Variants in PITPNM3 observed in about 807,000 individuals in gnomAD.
The protein encoded by PITPNM3 is PITPNM family member 3.
Under a neutral mutation model 102.0 loss-of-function variants are expected in PITPNM3, and 26 were observed. The observed-to-expected ratio is 0.25, with a 90% CI of 0.19 to 0.35. The LOEUF (loss-of-function observed/expected upper bound fraction) is 0.35. Among genes scored for constraint, PITPNM3 ranks in the 10% least tolerant of loss-of-function variants. The pLI, the probability that PITPNM3 is intolerant of heterozygous loss-of-function variation, is 1.00. For missense variants in PITPNM3, 1,083 were observed against 1,346.1 expected, an observed-to-expected ratio of 0.80 and a Z score of 3.06; for synonymous variants, 578 against 558.6, an observed-to-expected ratio of 1.03 and a Z score of -0.49.
At chr17:6,505,530 C>T (rs2150611643) in intron 3 of PITPNM3, among the ~76,000 whole-genome samples, 1 of 152,294 alleles carries the variant, frequency 6.6e-6, no homozygotes, top group East Asian at 1.9e-4. Context: ...CAGACTGTTT[C>T]CCAGGTGCAA....
At position 6,457,639 on chromosome 17, in the gene PITPNM3, G is replaced by T; in HGVS notation, c.2574C>A (p.Ile858=). The part of the protein sequence containing the change: ...YSVLGLPASQ[I]FIVGRPTKKY... ...TCTTGGTGGGCCGGCCCACAATGAAGATCTGGGAGGCAGGCAGGCCCAGCA... is the reference window on the plus strand; with the variant it reads ...TCTTGGTGGGCCGGCCCACAATGAATATCTGGGAGGCAGGCAGGCCCAGCA... The change falls in exon 19 of 20, where the codon ATC becomes ATA. Residue 858 remains isoleucine, a synonymous_variant. Coordinates refer to ENST00000262483, the MANE Select transcript of PITPNM3 (RefSeq NM_031220.4). The surrounding 1 kb of genome is among the most constrained non-coding windows in gnomAD (Gnocchi z 4.7). 6.2e-7 allele frequency: 1 copy of T among 1,610,950 alleles called. No individual in the cohort carries two copies. The highest frequency in any genetic ancestry group is 8.5e-7 in the Non-Finnish European group (1 of 1,178,558).
At chr17:6,486,110 C>T (rs1312703670) in intron 4 of PITPNM3, among the ~76,000 whole-genome samples, 1 of 152,178 alleles carries the variant, frequency 6.6e-6, no homozygotes, top group African/African-American at 2.4e-5. Context: ...TGAGCCCCCA[C>T]CCAAATGATA....
chr17:6,531,326 C>T (rs1334211237), intron 2 of PITPNM3, among the ~76,000 whole-genome samples: 1 of 152,214 alleles, frequency 6.6e-6, no homozygotes, highest in African/African-American at 2.4e-5. Flanking sequence ...TAGCCCCAAC[C>T]TTGCATCCTT....
chr17:6,545,754 G>C (rs1400132985), intron 1 of PITPNM3, among the ~76,000 whole-genome samples: 1 of 152,158 alleles, frequency 6.6e-6, no homozygotes, highest in African/African-American at 2.4e-5. Context: ...CCGGGTGCCT[G>C]TCTCCTTGTG....
In PITPNM3 at chr17:6,537,499, T is replaced by C. The variant is rs988326536; in HGVS notation, c.118+488A>G. ...AAGGGAATACACATGTTGGCCAGGC[T>C]GGTCTCAAACTCCTGACCTCAGGTG... On this transcript the variant is annotated intron_variant, in intron 2 of 19. Coordinates refer to ENST00000262483, the MANE Select transcript of PITPNM3 (RefSeq NM_031220.4). This position sits in a 1 kb window ranked among gnomAD's most constrained non-coding sequence, Gnocchi z 4.4. 2.0e-5 allele frequency among the ~76,000 whole-genome samples: 3 copies of C among 152,178 alleles called. No homozygotes were observed. Among genetic ancestry groups the C allele is most frequent in the African/African-American group, 7.2e-5 (3 of 41,440 alleles).
Position 6,478,480 on chromosome 17 carries a change from C to T in PITPNM3, c.777+67G>A, listed in dbSNP as rs1011181851. 1.3e-6 allele frequency: 2 copies of T among 1,582,854 alleles called. No individual in the cohort carries two copies. The highest frequency in any genetic ancestry group is 2.7e-5 in the African/African-American group (2 of 74,308). On this transcript the variant is annotated intron_variant, in intron 7 of 19. Transcript: ENST00000262483. This position sits in a 1 kb window ranked among gnomAD's most constrained non-coding sequence, Gnocchi z 4.4. Reference sequence around the variant, plus strand: ...CTGGCCTTGGCCCTTTCAGTAGATTCCAGCCTCTCTCCCAGGCCGGGGCCG... The same window carrying T: ...CTGGCCTTGGCCCTTTCAGTAGATTTCAGCCTCTCTCCCAGGCCGGGGCCG...
chr17:6,499,302 C>T (rs1254728384), intron 4 of PITPNM3, among the ~76,000 whole-genome samples: 1 of 152,228 alleles, frequency 6.6e-6, no homozygotes, highest in Non-Finnish European at 1.5e-5. Flanking sequence ...CACCCCTCCC[C>T]GCATAGCCAC....
chr17:6,472,854 AGCCACTTTCTAGT>A lies in PITPNM3; in HGVS notation c.1259-40_1259-28del. 6.2e-7 allele frequency: 1 copy of A among 1,613,048 alleles called. No individual in the cohort carries two copies. On this transcript the variant is annotated intron_variant, in intron 10 of 19. Coordinates refer to ENST00000262483, the MANE Select transcript of PITPNM3 (RefSeq NM_031220.4). The surrounding 1 kb of genome is among the most constrained non-coding windows in gnomAD (Gnocchi z 4.1). Reference sequence around the variant, plus strand: ...TGGGGTGAGTGGGAAGACAGAGGGAAGCCACTTTCTAGTACCTGCTCCCTGGGCCCTAGGAGGC... The same window carrying A: ...TGGGGTGAGTGGGAAGACAGAGGGAAACCTGCTCCCTGGGCCCTAGGAGGC...
At chr17:6,491,837 A>ATATATATATATATAT (rs61304274) in intron 4 of PITPNM3, among the ~76,000 whole-genome samples, 6 of 18,790 alleles carry the variant, frequency 3.2e-4, no homozygotes, top group South Asian at 2.3e-3. Flanking sequence ...ATATATATAT[A>ATATATATATATATAT]ATAAAGAATT....
intron 2 of PITPNM3, among the ~76,000 whole-genome samples, chr17:6,532,427 A>G (rs1472664868): frequency 6.6e-6 from 1 of 152,136 alleles, no homozygotes; most frequent in Non-Finnish European, 1.5e-5. Context: ...CATTACCCCA[A>G]TCAAGCTAGT....
chr17:6,456,350 G>T (rs1914115152), intron 19 of PITPNM3, among the ~76,000 whole-genome samples: 2 of 152,078 alleles, frequency 1.3e-5, no homozygotes, highest in South Asian at 4.2e-4. Flanking sequence ...GCCCATCCTT[G>T]TCACTTGGCT....
chr17:6,507,986 G>C (rs1964080001), intron 3 of PITPNM3, among the ~76,000 whole-genome samples: 1 of 151,340 alleles, frequency 6.6e-6, no homozygotes. Flanking sequence ...GAATGCTGGG[G>C]ATGCAGCTGG....
At chr17:6,519,151 C>T (rs1908347713) in intron 3 of PITPNM3, among the ~76,000 whole-genome samples, 1 of 143,782 alleles carries the variant, frequency 7.0e-6, no homozygotes, top group Non-Finnish European at 1.5e-5. Context: ...TCCTGGCTAA[C>T]AAGGTGAAAC....
At chr17:6,540,751 C>T (rs560065571) in intron 1 of PITPNM3, among the ~76,000 whole-genome samples, 7 of 152,266 alleles carry the variant, frequency 4.6e-5, no homozygotes, top group Admixed American at 2.6e-4. Context: ...CTTCACCTCC[C>T]GGGTTCAAGA....
chr17:6,465,500 T>A (rs1009661225), intron 14 of PITPNM3, among the ~76,000 whole-genome samples: 12 of 152,222 alleles, frequency 7.9e-5, no homozygotes, highest in Admixed American at 2.0e-4. Context: ...TATCTGTCTT[T>A]TTTTTTAAGA....
intron 3 of PITPNM3, among the ~76,000 whole-genome samples, chr17:6,510,881 G>C (rs1020387114): frequency 6.6e-6 from 1 of 152,230 alleles, no homozygotes; most frequent in Non-Finnish European, 1.5e-5. Context: ...GGGAAGAGCC[G>C]GGGCAAAGGC....
At chr17:6,475,649 A>G (rs1487335156) in intron 9 of PITPNM3, among the ~76,000 whole-genome samples, 1 of 152,158 alleles carries the variant, frequency 6.6e-6, no homozygotes, top group Non-Finnish European at 1.5e-5. Context: ...CGTGGTCCCT[A>G]AACACATGCC....
At position 6,556,289 on chromosome 17, in the gene PITPNM3, C is replaced by A. The variant is rs1910606140; in HGVS notation, c.22+96G>T. ...ACGCCCTCCCGGGACCTCCGCCCAC[C>A]TGCGCGAGGGGTTCACCTGGGCCGG... is the stretch of plus-strand genomic sequence containing the variant. On this transcript the variant is annotated intron_variant, in intron 1 of 19. Coordinates refer to ENST00000262483, the MANE Select transcript of PITPNM3 (RefSeq NM_031220.4). The surrounding 1 kb of genome is among the most constrained non-coding windows in gnomAD (Gnocchi z 5.2). 8.8e-7 allele frequency: 1 copy of A among 1,136,016 alleles called. No homozygotes were observed. Among genetic ancestry groups the A allele is most frequent in the African/African-American group, 1.6e-5 (1 of 61,498 alleles). The allele number at this position is 1,136,016 out of a possible 1,614,324, so 70.4% of individuals were successfully genotyped here. A position where few individuals can be genotyped will look rare whatever the true frequency, so the allele number is the denominator to read the frequency against.
intron 1 of PITPNM3, among the ~76,000 whole-genome samples, chr17:6,545,215 GAACA>G (rs1355399072): frequency 1.3e-5 from 2 of 152,200 alleles, no homozygotes; most frequent in African/African-American, 2.4e-5. Context: ...AGGATTACAT[GAACA>G]AACATTTCAA....
Sources: allele counts gnomAD v4.1 joint callset (sites outside exome capture counted in the v4.1 genomes callset), GRCh38; gene constraint gnomAD v4.1.1; non-coding constraint Gnocchi (gnomAD v3.1); transcripts MANE v1.5; gene names NCBI Gene and HGNC (gene_info 2026-07-23, HGNC 2026-07-21).